CCNG2: variants seen among roughly 807,000 people sequenced by gnomAD.
The protein encoded by CCNG2 is cyclin G2.
Under a neutral mutation model 36.5 loss-of-function variants are expected in CCNG2, and 20 were observed. The ratio of observed to expected loss-of-function variants is 0.55; its 90% CI spans 0.39 to 0.80. CCNG2 has a LOEUF of 0.80. Ranked by LOEUF, CCNG2 falls within the 30% of genes least tolerant of loss-of-function variation. CCNG2 has a pLI of 0.00. For synonymous variants in CCNG2, 155 were observed against 140.1 expected (o/e 1.11, Z -0.75); for missense variants, 358 against 390.8 (o/e 0.92, Z 0.71).
At chr4:77,161,853 C>A in intron 6 of CCNG2, 106 bp downstream of exon 6, 2 of 682,578 alleles carry the variant, frequency 2.9e-6, no homozygotes, top group Non-Finnish European at 4.9e-6. Context: ...TTAACTTTTA[C>A]ACTTGTTTTT....
At chr4:77,158,352 C>T (rs1326543804) in intron 1 of CCNG2, 181 bp from the exon 2 acceptor site, 2 of 597,266 alleles carry the variant, frequency 3.3e-6, no homozygotes, top group South Asian at 4.1e-5. Flanking sequence ...CCTGCCACAC[C>T]TCCCTGGCCG....
In CCNG2 at chr4:77,169,942, TGGTGA is replaced by T. The variant is rs1731724565; in HGVS notation, c.*4020_*4024del. 6.6e-6 allele frequency: 1 copy of T among 152,258 alleles called. No homozygotes were observed. The highest frequency in any genetic ancestry group is 2.1e-4 in the South Asian group (1 of 4,836). 9.4% of individuals were successfully genotyped at this position (152,258 alleles called of 1,614,324 possible). The stretch of plus-strand genomic sequence containing the variant: ...TTTATGGTCAAATGGTGATTATCTC[TGGTGA>T]GATTACAGGTGATGTTTTTTTTAAG... On this transcript the variant is annotated 3_prime_UTR_variant, in exon 8 of 8. Transcript: ENST00000316355.
chr4:77,159,779 T>C (rs1248048025), intron 3 of CCNG2, among the ~76,000 whole-genome samples: 1 of 152,260 alleles, frequency 6.6e-6, no homozygotes, highest in Non-Finnish European at 1.5e-5. Context: ...GTATTTGCCA[T>C]ATATTTATAG....
At chr4:77,165,139 G>A (rs1447086313) in intron 7 of CCNG2, 1 of 152,104 alleles carries the variant, frequency 6.6e-6, no homozygotes, top group African/African-American at 2.4e-5. Context: ...TGCTAAATTT[G>A]TTTGTTTTAT....
intron 3 of CCNG2, among the ~76,000 whole-genome samples, chr4:77,160,421 T>C (rs1410098661): frequency 6.6e-6 from 1 of 151,266 alleles, no homozygotes; most frequent in Non-Finnish European, 1.5e-5. Context: ...AGTCTTGCTA[T>C]GTTGGCCAGA....
intron 1 of CCNG2, among the ~76,000 whole-genome samples, chr4:77,157,846 G>A (rs1274876547): frequency 6.6e-6 from 1 of 152,098 alleles, no homozygotes; most frequent in African/African-American, 2.4e-5. Flanking sequence ...CGGCATCAGT[G>A]GGTGGACGGG....
chr4:77,161,070 A>T, intron 4 of CCNG2, 99 bp downstream of exon 4: 2 of 882,382 alleles, frequency 2.3e-6, no homozygotes, highest in East Asian at 5.3e-5. Flanking sequence ...ACCTTCTTCA[A>T]ACTTTCAACT....
intron 6 of CCNG2, among the ~76,000 whole-genome samples, chr4:77,163,859 G>C (rs956808799): frequency 1.4e-4 from 21 of 152,130 alleles, no homozygotes; most frequent in Non-Finnish European, 2.8e-4. Context: ...AACCCAAATT[G>C]GTTTCTGTAA....
At position 77,160,937 on chromosome 4, in the gene CCNG2, T is replaced by C. The variant is rs1229045851; in HGVS notation, c.493T>C (p.Tyr165His). 1.9e-6 allele frequency: 3 copies of C among 1,606,762 alleles called. No individual in the cohort carries two copies. The highest frequency in any genetic ancestry group is 2.5e-6 in the Non-Finnish European group (3 of 1,178,494). ...TACTGCCTTAAACTTTTTGCACTTA[T>C]ACCATACTATTATACTTTGTCATAC... ...ATTALNFLHL[Y>H]HTIILCHTSE... Residue 165 changes from tyrosine to histidine, a missense_variant, in exon 4 of 8, where the codon TAC becomes CAC. Coordinates refer to ENST00000316355, the MANE Select transcript of CCNG2 (RefSeq NM_004354.3).
chr4:77,164,449 C>A lies in CCNG2; in HGVS notation c.881C>A (p.Pro294His), dbSNP rs1272135944. ...AGTGTTCCTGAGCTGCCAACGATAC[C>A]TGAGGGGGGTTGTTTTGATGAAAGT... ...YYSVPELPTI[P>H]EGGCFDESES... Residue 294 changes from proline (P) to histidine (H), a missense_variant, in exon 7 of 8, where the codon CCT becomes CAT. Transcript: ENST00000316355. 1 of 1,613,846 alleles carries A rather than the reference C, an allele frequency of 6.2e-7. No homozygotes were observed. Among genetic ancestry groups the A allele is most frequent in the African/African-American group, 1.3e-5 (1 of 74,860 alleles).
chr4:77,163,353 A>G (rs944713502), intron 6 of CCNG2, among the ~76,000 whole-genome samples: 8 of 152,156 alleles, frequency 5.3e-5, no homozygotes, highest in African/African-American at 1.7e-4. Flanking sequence ...AAGAGATCCA[A>G]TATAATGAAA....
chr4:77,161,461 T>C lies in CCNG2; in HGVS notation c.528-19T>C, dbSNP rs768859867. ...AATCTTTGGAAGTTTAATAAATCTT[T>C]GTTCTTTGCATTGTATAGGAAAGAA... On this transcript the variant is annotated intron_variant, in intron 4 of 7. Transcript: ENST00000316355. 4.0e-6 allele frequency: 6 copies of C among 1,518,622 alleles called. No homozygotes were observed. Among genetic ancestry groups the C allele is most frequent in the Non-Finnish European group, 5.4e-6 (6 of 1,117,558 alleles). The allele number at this position is 1,518,622 out of a possible 1,614,324, so 94.1% of individuals were successfully genotyped here.
intron 3 of CCNG2, among the ~76,000 whole-genome samples, chr4:77,159,802 G>A (rs1297548934): frequency 6.6e-6 from 1 of 152,168 alleles, no homozygotes; most frequent in Non-Finnish European, 1.5e-5. Context: ...CTCAATATAA[G>A]ATTTCATCTG....
Position 77,168,914 on chromosome 4 carries a change from C to T in CCNG2, c.*2990C>T, listed in dbSNP as rs1030797625. 2.6e-5 allele frequency: 4 copies of T among 152,260 alleles called. No individual in the cohort carries two copies. Among genetic ancestry groups the T allele is most frequent in the Non-Finnish European group, 5.9e-5 (4 of 68,076 alleles). 9.4% of individuals were successfully genotyped at this position (152,260 alleles called of 1,614,324 possible). ...TGACTTGGCGAGAGATTTGACCTTT[C>T]AGGTTTTGATCCTGTCATTTTCTAG... is the stretch of plus-strand genomic sequence containing the variant. On this transcript the variant is annotated 3_prime_UTR_variant, in exon 8 of 8. Transcript: ENST00000316355.
intron 3 of CCNG2, among the ~76,000 whole-genome samples, 191 bp from the exon 4 acceptor site, chr4:77,160,530 T>C (rs992718319): frequency 1.8e-5 from 2 of 109,994 alleles, no homozygotes; most frequent in East Asian, 2.7e-4. Context: ...GCCTTTTTTT[T>C]TGGGGGGGGG....
intron 7 of CCNG2, among the ~76,000 whole-genome samples, chr4:77,165,215 G>A (rs759749421): frequency 3.9e-4 from 60 of 152,192 alleles, no homozygotes; most frequent in African/African-American, 1.4e-3. Context: ...ATATTTGACA[G>A]TGTAAGTGGT....
At chr4:77,164,534 A>G (rs547863538) in intron 7 of CCNG2, 55 bp downstream of exon 7, 5 of 1,310,584 alleles carry the variant, frequency 3.8e-6, no homozygotes, top group South Asian at 3.6e-5. Context: ...TACTGAGTTT[A>G]TTATACTCAG....
At chr4:77,160,522 CTT>C (rs202066926) in intron 3 of CCNG2, among the ~76,000 whole-genome samples, 197 bp from the exon 4 acceptor site, 1 of 107,296 alleles carries the variant, frequency 9.3e-6, no homozygotes, top group Non-Finnish European at 1.8e-5. Flanking sequence ...TCCCTGCTGC[CTT>C]TTTTTTTGGG....
Position 77,159,422 on chromosome 4 carries a change from G to C in CCNG2, c.194G>C (p.Ser65Thr). 1.9e-6 allele frequency: 3 copies of C among 1,613,982 alleles called. No homozygotes were observed. Among genetic ancestry groups the C allele is most frequent in the South Asian group, 2.2e-5 (2 of 91,072 alleles). Residue 65 changes from serine to threonine, a missense_variant, in exon 3 of 8, where the codon AGT becomes ACT. Transcript: ENST00000316355. ...AATGCCAAAGTTGAAGATTTAAGGA[G>C]TTTAGCCAACTTTTTTGGATCTTGC... is the stretch of plus-strand genomic sequence containing the variant. ...LRNAKVEDLRSLANFFGSCTE... is the reference protein window; with the variant it reads ...LRNAKVEDLRTLANFFGSCTE...
Sources: gnomAD v4.1 joint callset for allele counts (sites outside exome capture counted in the v4.1 genomes callset) on GRCh38, gnomAD v4.1.1 for gene constraint, MANE v1.5 for transcripts, NCBI Gene and HGNC (gene_info 2026-07-23, HGNC 2026-07-21) for gene names.